The following PCDHGB7 variants were observed in gnomAD, a reference collection of about 807,000 sequenced individuals.
The protein encoded by PCDHGB7 is protocadherin gamma subfamily B, 7.
A neutral mutation model predicts 61.4 loss-of-function variants in PCDHGB7; 37 were observed. That is an observed-to-expected ratio of 0.60 (90% confidence interval 0.46 to 0.79). The LOEUF (loss-of-function observed/expected upper bound fraction) is 0.79, where lower values mean the gene tolerates loss of function less well. Ranked by LOEUF, PCDHGB7 falls within the 30% of genes least tolerant of loss-of-function variation. The pLI is 0.00. For synonymous variants in PCDHGB7, 464 were observed against 503.5 expected, an observed-to-expected ratio of 0.92 and a Z score of 1.05; for missense variants, 1,166 against 1,202.5, an observed-to-expected ratio of 0.97 and a Z score of 0.45.
chr5:141,446,854 C>T (rs1474444931), intron 1 of PCDHGB7, among the ~76,000 whole-genome samples: 1 of 152,134 alleles, frequency 6.6e-6, no homozygotes, highest in Non-Finnish European at 1.5e-5. Context: ...AATAAGCTTC[C>T]TGATAGCTCT....
At position 141,489,635 on chromosome 5, in the gene PCDHGB7, G is replaced by C. The variant is rs1380466520; in HGVS notation, c.2416-5172G>C. 2 of 1,614,142 alleles carry C rather than the reference G, an allele frequency of 1.2e-6. No homozygotes were observed. The highest frequency in any genetic ancestry group is 3.3e-5 in the Admixed American group (2 of 60,016). ...CTGGATCTCAATGACAACTCTCCTAGCTTTGCCACCCCTGAGCGAGAGATG... is the reference window on the plus strand; with the variant it reads ...CTGGATCTCAATGACAACTCTCCTACCTTTGCCACCCCTGAGCGAGAGATG... On this transcript the variant is annotated intron_variant, in intron 1 of 3. Transcript: ENST00000398594. This position sits in a 1 kb window ranked among gnomAD's most constrained non-coding sequence, Gnocchi z 4.5.
Position 141,454,796 on chromosome 5 carries a change from A to ATTT in PCDHGB7, c.2415+34549_2415+34551dup, listed in dbSNP as rs61612330. 3.3e-3 allele frequency among the ~76,000 whole-genome samples: 253 copies of ATTT among 77,450 alleles called. 31 individuals carry two copies. The highest frequency in any genetic ancestry group is 0.02 in the South Asian group (39 of 1,960). The allele number at this position is 77,450 out of a possible 152,430, so 50.8% of individuals were successfully genotyped here. ...AAGGAAATAATCCTCCATGGTTCTA[A>ATTT]TTTTTTTTTTTTTTTTTTTTTTTTT... On this transcript the variant is annotated intron_variant, in intron 1 of 3. Coordinates refer to ENST00000398594, the MANE Select transcript of PCDHGB7 (RefSeq NM_018927.4).
Position 141,420,101 on chromosome 5 carries a change from T to A in PCDHGB7, c.2242T>A (p.Leu748Met). 5 of 1,614,046 alleles carry A rather than the reference T, an allele frequency of 3.1e-6. No homozygotes were observed. Among genetic ancestry groups the A allele is most frequent in the Non-Finnish European group, 4.2e-6 (5 of 1,179,870 alleles). ...VGPPNYSEGTLPYAYNFCVPG... is the reference protein window; with the variant it reads ...VGPPNYSEGTMPYAYNFCVPG... ...TCCCCCCAACTACAGTGAGGGAACGTTGCCCTATGCCTATAATTTTTGTGT... is the reference window on the plus strand; with the variant it reads ...TCCCCCCAACTACAGTGAGGGAACGATGCCCTATGCCTATAATTTTTGTGT... Residue 748 changes from leucine to methionine, a missense_variant, in exon 1 of 4, where the codon TTG becomes ATG. By Grantham distance (15) the Leu-to-Met change is conservative. Transcript: ENST00000398594.
Position 141,450,006 on chromosome 5 carries a change from C to CTATTTTTT in PCDHGB7, c.2415+29733_2415+29734insATTTTTTT, listed in dbSNP as rs70988802. Among the ~76,000 whole-genome samples the CTATTTTTT allele has an allele frequency of 4.4e-4, 58 of 132,942 alleles. 2 individuals carry two copies. The highest frequency in any genetic ancestry group is 8.4e-4 in the African/African-American group (30 of 35,608). The allele number at this position is 132,942 out of a possible 152,430, so 87.2% of individuals were successfully genotyped here. A position where few individuals can be genotyped will look rare whatever the true frequency, so the allele number is the denominator to read the frequency against. ...CACATTGCATTTAGTTGCCATGTCT[C>CTATTTTTT]TTTTTTTTTTTTTTTTTTGAGACAG... On this transcript the variant is annotated intron_variant, in intron 1 of 3. Coordinates refer to ENST00000398594, the MANE Select transcript of PCDHGB7 (RefSeq NM_018927.4).
intron 1 of PCDHGB7, among the ~76,000 whole-genome samples, chr5:141,467,960 C>T (rs1303642319): frequency 6.6e-6 from 1 of 151,998 alleles, no homozygotes; most frequent in Non-Finnish European, 1.5e-5. Flanking sequence ...CACCCGGCTG[C>T]CAGAAAATTT....
At chr5:141,502,139 C>G (rs923501238) in intron 2 of PCDHGB7, among the ~76,000 whole-genome samples, 1 of 152,104 alleles carries the variant, frequency 6.6e-6, no homozygotes, top group Non-Finnish European at 1.5e-5. Flanking sequence ...TCAGTCGGGC[C>G]GGAAGTAAGG....
chr5:141,478,221 C>A, intron 1 of PCDHGB7: 1 of 1,614,122 alleles, frequency 6.2e-7, no homozygotes, highest in Non-Finnish European at 8.5e-7. Context: ...ATCCTGGTTT[C>A]TGTGGGGTTT....
chr5:141,485,109 CTGTT>C lies in PCDHGB7; in HGVS notation c.2416-9695_2416-9692del. ...AGATAGGTGTCTCCAGCTGCTGTGG[CTGTT>C]TGGGGCGGGTCGGCTTCATCCGCGT... On this transcript the variant is annotated intron_variant, in intron 1 of 3. Transcript: ENST00000398594. This position sits in a 1 kb window ranked among gnomAD's most constrained non-coding sequence, Gnocchi z 5.7. 8.1e-7 allele frequency: 1 copy of C among 1,230,964 alleles called. No individual in the cohort carries two copies. Among genetic ancestry groups the C allele is most frequent in the Non-Finnish European group, 1.2e-6 (1 of 850,026 alleles). The allele number at this position is 1,230,964 out of a possible 1,614,324, so 76.3% of individuals were successfully genotyped here.
intron 2 of PCDHGB7, among the ~76,000 whole-genome samples, chr5:141,498,024 A>G (rs1455238086): frequency 6.6e-6 from 1 of 152,200 alleles, no homozygotes; most frequent in East Asian, 1.9e-4. Flanking sequence ...GGAGACAAAT[A>G]TTGACCAAAT....
intron 1 of PCDHGB7, chr5:141,427,884 G>T (rs1346875505): frequency 5.1e-6 from 8 of 1,564,634 alleles, no homozygotes; most frequent in African/African-American, 2.7e-5. Flanking sequence ...GCAGGCCCAC[G>T]ACCAGGGCTC....
intron 2 of PCDHGB7, among the ~76,000 whole-genome samples, chr5:141,498,967 G>A (rs896386012): frequency 1.5e-5 from 2 of 129,584 alleles, no homozygotes. Context: ...GAGGGAGGGA[G>A]GGAGGGAAGG....
chr5:141,475,731 C>T (rs991175739), intron 1 of PCDHGB7, among the ~76,000 whole-genome samples: 1 of 152,248 alleles, frequency 6.6e-6, no homozygotes, highest in African/African-American at 2.4e-5. Context: ...GGCTGGCTTT[C>T]CCTAAGGTAG....
In PCDHGB7 at chr5:141,493,356, C is replaced by G. The variant is rs1303319550; in HGVS notation, c.2416-1451C>G. On this transcript the variant is annotated intron_variant, in intron 1 of 3. Transcript: ENST00000398594. The surrounding 1 kb of genome is among the most constrained non-coding windows in gnomAD (Gnocchi z 4.3). ...ACTCCAGAATGTGTGCTTTTAATTT[C>G]TTGGCACTTGGAACTTTAAAAGCTT... Among the ~76,000 whole-genome samples the G allele has an allele frequency of 6.6e-6, 1 of 152,182 alleles. No individual in the cohort carries two copies. The highest frequency in any genetic ancestry group is 1.5e-5 in the Non-Finnish European group (1 of 68,032).
chr5:141,508,910 A>T (rs2099872999), intron 3 of PCDHGB7, among the ~76,000 whole-genome samples: 1 of 151,906 alleles, frequency 6.6e-6, no homozygotes, highest in Non-Finnish European at 1.5e-5. Context: ...GCGGTGGCGG[A>T]TCTGGCTTCC....
At chr5:141,480,285 T>C (rs1369369395) in intron 1 of PCDHGB7, among the ~76,000 whole-genome samples, 1 of 151,924 alleles carries the variant, frequency 6.6e-6, no homozygotes, top group East Asian at 1.9e-4. Flanking sequence ...TGTGTTGGCA[T>C]GCACCTGTGG....
At chr5:141,469,700 T>TA (rs1483261429) in intron 1 of PCDHGB7, among the ~76,000 whole-genome samples, 1 of 152,272 alleles carries the variant, frequency 6.6e-6, no homozygotes, top group African/African-American at 2.4e-5. Context: ...TATGACCTAG[T>TA]AATCACACTA....
chr5:141,499,932 C>A (rs1169727162), intron 2 of PCDHGB7, among the ~76,000 whole-genome samples: 1 of 152,076 alleles, frequency 6.6e-6, no homozygotes, highest in Non-Finnish European at 1.5e-5. Context: ...AAGTGATCCA[C>A]CCTCCTCGGC....
At chr5:141,492,500 C>G (rs2099741252) in intron 1 of PCDHGB7, among the ~76,000 whole-genome samples, 1 of 152,322 alleles carries the variant, frequency 6.6e-6, no homozygotes, top group South Asian at 2.1e-4. Flanking sequence ...GCGAGGACTC[C>G]GGAGCCTCCT....
chr5:141,445,545 A>G (rs1422837499), intron 1 of PCDHGB7, among the ~76,000 whole-genome samples: 2 of 152,256 alleles, frequency 1.3e-5, no homozygotes, highest in Non-Finnish European at 2.9e-5. Context: ...AAGGAGAAAT[A>G]CAAAAGCACT....
Sources: gnomAD v4.1 joint callset for allele counts (sites outside exome capture counted in the v4.1 genomes callset) on GRCh38, gnomAD v4.1.1 for gene constraint, Gnocchi (gnomAD v3.1) non-coding constraint, MANE v1.5 for transcripts, NCBI Gene and HGNC (gene_info 2026-07-23, HGNC 2026-07-21) for gene names.